The following PRKD1 variants were observed in gnomAD, a reference collection of about 807,000 sequenced individuals.
PRKD1 encodes the protein serine/threonine-protein kinase D1.
Under a neutral mutation model 95.9 loss-of-function variants are expected in PRKD1, and 63 were observed. The ratio of observed to expected loss-of-function variants is 0.66; its 90% CI spans 0.54 to 0.81. PRKD1 has a LOEUF of 0.81. Among genes scored for constraint, PRKD1 ranks in the 30% least tolerant of loss-of-function variants. The pLI is 0.00. For synonymous variants in PRKD1, 425 were observed against 423.1 expected, an observed-to-expected ratio of 1.00 and a Z score of -0.05; for missense variants, 1,048 against 1,165.3, an observed-to-expected ratio of 0.90 and a Z score of 1.47.
At position 29,577,447 on chromosome 14, in the gene PRKD1, T is replaced by A; in HGVS notation, c.2530A>T (p.Thr844Ser). 1 of 1,613,576 alleles carries A rather than the reference T, an allele frequency of 6.2e-7. No individual in the cohort carries two copies. Among genetic ancestry groups the A allele is most frequent in the East Asian group, 2.2e-5 (1 of 44,868 alleles). The change falls in exon 18 of 18, where the codon ACC (threonine) becomes TCC (serine). Residue 844 changes from threonine to serine, a missense_variant. Coordinates refer to ENST00000331968, the MANE Select transcript of PRKD1 (RefSeq NM_002742.3). ...LSHPWLQDYQ[T>S]WLDLRELECK... ...TCCAGCTCTCGCAAATCTAACCAGG[T>A]CTGATAGTCCTGAAGAAGAAATTCC...
At chr14:29,776,907 A>G (rs980141693) in intron 1 of PRKD1, among the ~76,000 whole-genome samples, 4 of 152,198 alleles carry the variant, frequency 2.6e-5, no homozygotes, top group Admixed American at 6.5e-5. Flanking sequence ...AGGTCGGGTT[A>G]CCCTCAAAGG....
intron 2 of PRKD1, among the ~76,000 whole-genome samples, chr14:29,690,856 T>C (rs1884191031): frequency 6.6e-6 from 1 of 152,212 alleles, no homozygotes. Context: ...ATCCTAGTCA[T>C]CCTTCAGTTT....
intron 2 of PRKD1, among the ~76,000 whole-genome samples, chr14:29,679,935 T>C (rs951847186): frequency 4.6e-5 from 7 of 151,882 alleles, no homozygotes; most frequent in African/African-American, 1.7e-4. Context: ...GAACAAGAAA[T>C]AGAATTTCTT....
At chr14:29,759,018 C>G (rs572196515) in intron 1 of PRKD1, among the ~76,000 whole-genome samples, 1 of 152,330 alleles carries the variant, frequency 6.6e-6, no homozygotes, top group South Asian at 2.1e-4. Flanking sequence ...AAGCAGTAGT[C>G]TCTCAACATT....
chr14:29,810,833 A>G (rs1307872053), intron 1 of PRKD1, among the ~76,000 whole-genome samples: 1 of 152,210 alleles, frequency 6.6e-6, no homozygotes, highest in African/African-American at 2.4e-5. Context: ...GCTCATTTGG[A>G]ACTGGTTATT....
intron 9 of PRKD1, among the ~76,000 whole-genome samples, chr14:29,631,896 G>C (rs988185658): frequency 1.3e-5 from 2 of 151,998 alleles, no homozygotes; most frequent in Admixed American, 6.6e-5. Context: ...CCGCCTCCTA[G>C]ATTAAGGTGA....
chr14:29,722,942 AAGTC>A (rs1231430225), intron 2 of PRKD1, among the ~76,000 whole-genome samples: 20 of 152,250 alleles, frequency 1.3e-4, no homozygotes, highest in Non-Finnish European at 1.9e-4. Context: ...TACAGTGAAA[AAGTC>A]AGGGAACAGG....
intron 1 of PRKD1, among the ~76,000 whole-genome samples, chr14:29,789,757 GC>G (rs1219047087): frequency 6.6e-6 from 1 of 152,034 alleles, no homozygotes; most frequent in Non-Finnish European, 1.5e-5. Flanking sequence ...ATATTGTCAG[GC>G]CCCCGGACAG....
At chr14:29,913,295 G>T (rs1294195299) in intron 1 of PRKD1, among the ~76,000 whole-genome samples, 1 of 152,072 alleles carries the variant, frequency 6.6e-6, no homozygotes, top group East Asian at 1.9e-4. Context: ...AAATGTACAG[G>T]TTTTTTGGCC....
intron 1 of PRKD1, among the ~76,000 whole-genome samples, chr14:29,890,879 T>C (rs1893915121): frequency 6.6e-6 from 1 of 152,212 alleles, no homozygotes; most frequent in Admixed American, 6.5e-5. Context: ...TTAATGTTAA[T>C]GTTAATACTG....
In PRKD1 at chr14:29,706,683, A is replaced by C. The variant is rs538133714; in HGVS notation, c.403+18853T>G. Among the ~76,000 whole-genome samples, 17 of 152,280 alleles carry C rather than the reference A, an allele frequency of 1.1e-4. No homozygotes were observed. In the East Asian group the frequency reaches 3.3e-3, roughly 29 times the overall value. On this transcript the variant is annotated intron_variant, in intron 2 of 17. Coordinates refer to ENST00000331968, the MANE Select transcript of PRKD1 (RefSeq NM_002742.3). ...GTAAGTGGCTTTAGTATCTCATATA[A>C]TCTTTACCAAAAATCCTATGATATT... is the stretch of plus-strand genomic sequence containing the variant.
intron 1 of PRKD1, among the ~76,000 whole-genome samples, chr14:29,802,207 G>GA (rs1890063260): frequency 6.6e-6 from 1 of 151,850 alleles, no homozygotes; most frequent in African/African-American, 2.4e-5. Context: ...TGAGACTACA[G>GA]AAAAAACAAA....
At chr14:29,609,095 C>T (rs45514598) in intron 13 of PRKD1, among the ~76,000 whole-genome samples, 112 of 152,164 alleles carry the variant, frequency 7.4e-4, no homozygotes, top group Non-Finnish European at 1.4e-3. Flanking sequence ...CACTGGACTC[C>T]GAGGATTCAG....
intron 1 of PRKD1, among the ~76,000 whole-genome samples, chr14:29,816,662 A>G (rs1322272768): frequency 2.0e-5 from 3 of 152,160 alleles, no homozygotes; most frequent in Non-Finnish European, 4.4e-5. Context: ...AATCACCAGA[A>G]GTTCACATTT....
rs1375339491 is a variant in PRKD1, at chr14:29,663,681, G to A, written c.696+18C>T. On this transcript the variant is annotated intron_variant, in intron 4 of 17. Coordinates refer to ENST00000331968, the MANE Select transcript of PRKD1 (RefSeq NM_002742.3). Reference sequence around the variant, plus strand: ...ATTTCTCATGTAAATGGGGAAGTGGGTAAACAGGAAGCCATACCAGAAGGG... The same window carrying A: ...ATTTCTCATGTAAATGGGGAAGTGGATAAACAGGAAGCCATACCAGAAGGG... 2.5e-6 allele frequency: 4 copies of A among 1,610,908 alleles called. No individual in the cohort carries two copies. The highest frequency in any genetic ancestry group is 2.5e-6 in the Non-Finnish European group (3 of 1,177,518).
chr14:29,689,894 C>T (rs1332415852), intron 2 of PRKD1, among the ~76,000 whole-genome samples: 1 of 152,158 alleles, frequency 6.6e-6, no homozygotes, highest in Non-Finnish European at 1.5e-5. Context: ...CACATGTTCT[C>T]ACTTATATGT....
chr14:29,893,789 T>C (rs763464614), intron 1 of PRKD1, among the ~76,000 whole-genome samples: 11 of 152,186 alleles, frequency 7.2e-5, no homozygotes, highest in South Asian at 2.1e-4. Flanking sequence ...AGTGTGCTCC[T>C]AGATATGACT....
At chr14:29,791,593 T>C (rs1889550057) in intron 1 of PRKD1, among the ~76,000 whole-genome samples, 1 of 152,202 alleles carries the variant, frequency 6.6e-6, no homozygotes, top group Non-Finnish European at 1.5e-5. Flanking sequence ...TTATGTGTAA[T>C]GTCTTTCACT....
At chr14:29,696,522 C>T (rs919810602) in intron 2 of PRKD1, among the ~76,000 whole-genome samples, 5 of 151,876 alleles carry the variant, frequency 3.3e-5, no homozygotes, top group African/African-American at 9.7e-5. Flanking sequence ...TTCCTTTTTG[C>T]GATGATGGAA....
Sources: gnomAD v4.1 joint callset for allele counts (sites outside exome capture counted in the v4.1 genomes callset) on GRCh38, gnomAD v4.1.1 for gene constraint, MANE v1.5 for transcripts, NCBI Gene and HGNC (gene_info 2026-07-23, HGNC 2026-07-21) for gene names.